The following WNK1 variants were observed in gnomAD, a reference collection of about 807,000 sequenced individuals.
WNK1 encodes serine/threonine-protein kinase WNK1.
A neutral mutation model predicts 222.8 loss-of-function variants in WNK1; 38 were observed. That is an observed-to-expected ratio of 0.17 (90% CI 0.13 to 0.22). The LOEUF is 0.22. Ranked by LOEUF, WNK1 falls within the 10% of genes least tolerant of loss-of-function variation. The probability of loss-of-function intolerance (pLI) is 1.00; values close to 1 mark genes in which losing one functional copy is unlikely to be tolerated. For missense variants in WNK1, 2,348 were observed against 2,918.4 expected, an observed-to-expected ratio of 0.80 and a Z score of 4.50; for synonymous variants, 1,090 against 1,092.9, an observed-to-expected ratio of 1.00 and a Z score of 0.05.
At chr12:780,288 C>G (rs545200406) in intron 1 of WNK1, among the ~76,000 whole-genome samples, 1 of 152,046 alleles carries the variant, frequency 6.6e-6, no homozygotes, top group Non-Finnish European at 1.5e-5. Context: ...GAATGATAAC[C>G]GTTAAAATAC....
chr12:869,540 A>G (rs1040963447), intron 8 of WNK1, among the ~76,000 whole-genome samples: 12 of 152,170 alleles, frequency 7.9e-5, no homozygotes, highest in African/African-American at 2.7e-4. Flanking sequence ...AAAACATGGA[A>G]AATAGGGAAT....
intron 1 of WNK1, among the ~76,000 whole-genome samples, chr12:783,562 G>C (rs1224007008): frequency 6.8e-6 from 1 of 147,208 alleles, no homozygotes; most frequent in Non-Finnish European, 1.5e-5. Flanking sequence ...CTCGGAGGCT[G>C]AGGTGGGAGG....
At chr12:792,281 T>C (rs1183993091) in intron 1 of WNK1, among the ~76,000 whole-genome samples, 2 of 151,252 alleles carry the variant, frequency 1.3e-5, no homozygotes, top group Non-Finnish European at 2.9e-5. Context: ...GATTAATAAA[T>C]GTTTCAATTT....
chr12:892,139 A>G (rs1042997043), intron 22 of WNK1, among the ~76,000 whole-genome samples: 13 of 150,150 alleles, frequency 8.7e-5, no homozygotes, highest in Admixed American at 7.3e-4. Context: ...GGTTTGTTAC[A>G]TATGTATACA....
intron 11 of WNK1, 97 bp downstream of exon 11, chr12:880,128 G>T: frequency 8.4e-7 from 1 of 1,184,220 alleles, no homozygotes; most frequent in Non-Finnish European, 1.2e-6. Flanking sequence ...AGAATAACTA[G>T]CAATAACATG....
chr12:804,301 G>A (rs1028401227), intron 1 of WNK1, among the ~76,000 whole-genome samples: 2 of 152,060 alleles, frequency 1.3e-5, no homozygotes, highest in Non-Finnish European at 2.9e-5. Context: ...ATTTACCATT[G>A]TAACCATTTA....
At chr12:900,891 T>G in intron 26 of WNK1, 1 of 627,474 alleles carries the variant, frequency 1.6e-6, no homozygotes, top group Non-Finnish European at 2.9e-6. Flanking sequence ...GGAATTACAG[T>G]GAAAAGTTAC....
Position 870,511 on chromosome 12 carries a change from A to G in WNK1, c.2140-754A>G, listed in dbSNP as rs1007745810. 3.3e-5 allele frequency among the ~76,000 whole-genome samples: 5 copies of G among 152,124 alleles called. 1 individual carries two copies. Among genetic ancestry groups the G allele is most frequent in the South Asian group, 4.1e-4 (2 of 4,828 alleles). ...GCCTTTTCATTTCGTTAACATACCT[A>G]TATATAGTCCTGCATCATTTCTCAC... On this transcript the variant is annotated intron_variant, in intron 8 of 27. Coordinates refer to ENST00000315939, the MANE Select transcript of WNK1 (RefSeq NM_018979.4).
At chr12:823,728 C>T (rs745545010) in intron 2 of WNK1, among the ~76,000 whole-genome samples, 14 of 152,050 alleles carry the variant, frequency 9.2e-5, no homozygotes, top group Non-Finnish European at 1.8e-4. Flanking sequence ...ATAATTATCC[C>T]TATTTAACCA....
chr12:864,985 A>C (rs2154068841), intron 8 of WNK1: 1 of 1,260,400 alleles, frequency 7.9e-7, no homozygotes, highest in Non-Finnish European at 1.1e-6. Flanking sequence ...AAAAAAACTG[A>C]CTTTGTGGAA....
intron 1 of WNK1, 101 bp from the exon 2 acceptor site, chr12:813,541 C>T (rs901013185): frequency 2.1e-5 from 27 of 1,272,468 alleles, no homozygotes; most frequent in Non-Finnish European, 2.9e-5. Context: ...TTTTTAAACA[C>T]CATCGATCAT....
intron 1 of WNK1, among the ~76,000 whole-genome samples, chr12:777,158 GT>G (rs560869282): frequency 1.1e-4 from 14 of 131,116 alleles, no homozygotes; most frequent in South Asian, 2.5e-4. Context: ...GATTTTTTTT[GT>G]TTTTTTTTTT....
intron 8 of WNK1, among the ~76,000 whole-genome samples, chr12:869,431 G>A (rs971395824): frequency 6.6e-6 from 1 of 152,084 alleles, no homozygotes; most frequent in Non-Finnish European, 1.5e-5. Context: ...GTAATGTATG[G>A]TTGACCCAGC....
At position 761,838 on chromosome 12, in the gene WNK1, T is replaced by C. The variant is rs1427893708; in HGVS notation, c.759+7514T>C. The stretch of plus-strand genomic sequence containing the variant: ...CAACAGATTTATCTCTTTAACATGC[T>C]AAAGAGTTACTAGATATCATTGTCA... On this transcript the variant is annotated intron_variant, in intron 1 of 27. Transcript: ENST00000315939. Among the ~76,000 whole-genome samples the C allele has an allele frequency of 2.7e-5, 4 of 147,130 alleles. 1 individual carries two copies. Among genetic ancestry groups the C allele is most frequent in the Non-Finnish European group, 3.0e-5 (2 of 65,930 alleles).
At position 862,097 on chromosome 12, in the gene WNK1, G is replaced by C. The variant is rs746751883; in HGVS notation, c.1966G>C (p.Asp656His). ...SISVLSDGTV[D>H]SGQGSSVFTE... ...TTTTCCTTCAGCTGATGGGACGGTT[G>C]ACAGTGGTCAGGGATCCTCTGTCTT... Residue 656 changes from aspartate (D) to histidine (H), a missense_variant, in exon 8 of 28, where the codon GAC becomes CAC. Coordinates refer to ENST00000315939, the MANE Select transcript of WNK1 (RefSeq NM_018979.4). 6.2e-7 allele frequency: 1 copy of C among 1,613,812 alleles called. No individual in the cohort carries two copies. Among genetic ancestry groups the C allele is most frequent in the Non-Finnish European group, 8.5e-7 (1 of 1,179,954 alleles).
chr12:832,550 C>G (rs757469284), intron 4 of WNK1, among the ~76,000 whole-genome samples: 2 of 152,106 alleles, frequency 1.3e-5, no homozygotes, highest in Non-Finnish European at 2.9e-5. Context: ...GGATATGGAG[C>G]TACTTTGGAC....
At chr12:904,242 T>A (rs1038568948) in intron 26 of WNK1, among the ~76,000 whole-genome samples, 2 of 152,172 alleles carry the variant, frequency 1.3e-5, no homozygotes, top group African/African-American at 4.8e-5. Context: ...GTCAGCCACG[T>A]AACACAGCCC....
Position 897,370 on chromosome 12 carries a change from C to A in WNK1, c.6246-109C>A, listed in dbSNP as rs1954844699. 5.1e-6 allele frequency: 4 copies of A among 786,636 alleles called. No individual in the cohort carries two copies. In the East Asian group the frequency reaches 1.0e-4, roughly 20 times the overall value. 48.7% of individuals were successfully genotyped at this position (786,636 alleles called of 1,614,324 possible). ...TGGTAGTACATTTGGGGAAAAGGTT[C>A]ATTAGTAACTACTACATACTTGAAA... On this transcript the variant is annotated intron_variant, in intron 24 of 27. Transcript: ENST00000315939.
At chr12:811,006 A>G (rs1276353355) in intron 1 of WNK1, among the ~76,000 whole-genome samples, 2 of 152,198 alleles carry the variant, frequency 1.3e-5, no homozygotes, top group African/African-American at 2.4e-5. Context: ...AATGAATAGA[A>G]TGGGTTAGCT....
Sources: allele counts gnomAD v4.1 joint callset (sites outside exome capture counted in the v4.1 genomes callset), GRCh38; gene constraint gnomAD v4.1.1; transcripts MANE v1.5; gene names NCBI Gene and HGNC (gene_info 2026-07-23, HGNC 2026-07-21).